PASD1: variants seen among roughly 807,000 people sequenced by gnomAD.
The protein encoded by PASD1 is circadian clock protein PASD1.
In PASD1, 13 loss-of-function variants were observed where a neutral mutation model predicts 58.8. The observed-to-expected ratio is 0.22, with a 90% CI of 0.14 to 0.35. PASD1 has a LOEUF of 0.35. PASD1 is among the 10% of genes least tolerant of loss of function. The pLI, the probability that PASD1 is intolerant of heterozygous loss-of-function variation, is 1.00. For synonymous variants in PASD1, 236 were observed against 216.7 expected (o/e 1.09, Z -0.78); for missense variants, 734 against 568.3 (o/e 1.29, Z -2.96).
chrX:151,614,321 T>A (rs2013610239), intron 4 of PASD1, among the ~76,000 whole-genome samples: 1 of 111,559 alleles, frequency 9.0e-6, no homozygotes, highest in Non-Finnish European at 1.9e-5. Context: ...ATCCCATTAA[T>A]CATCTCCAAA....
At chrX:151,667,171 C>G (rs1448777151) in intron 11 of PASD1, among the ~76,000 whole-genome samples, 2 of 112,293 alleles carry the variant, frequency 1.8e-5, no homozygotes, top group Admixed American at 9.4e-5. Flanking sequence ...CTTTTGGCTG[C>G]ATAAATGTCT....
rs1205780156 is a variant in PASD1, at chrX:151,664,108, T to G, written c.842-11T>G. The stretch of plus-strand genomic sequence containing the variant: ...TTTAAGTCATGAACTCCCCTGTGCT[T>G]TCTTCCTCAGCCTTATCCTTGCAAG... On this transcript the variant is annotated splice_polypyrimidine_tract_variant and intron_variant, in intron 10 of 15. Transcript: ENST00000370357. The G allele has an allele frequency of 3.3e-6, 4 of 1,210,160 alleles. No individual in the cohort carries two copies. The highest frequency in any genetic ancestry group is 4.5e-6 in the Non-Finnish European group (4 of 895,142).
chrX:151,664,156 G>A lies in PASD1; in HGVS notation c.879G>A (p.Val293=), dbSNP rs2014346881. 8.3e-7 allele frequency: 1 copy of A among 1,208,959 alleles called. No homozygotes were observed. Among genetic ancestry groups the A allele is most frequent in the African/African-American group, 1.8e-5 (1 of 56,740 alleles). ...SLQDFRGEPE[V]NPLYRADPVD... ...AAGACTTTCGAGGTGAGCCTGAGGT[G>A]AATCCATTGTACAGGGCAGACCCAG... The change falls in exon 11 of 16, where the codon GTG becomes GTA. Residue 293 remains valine (V), a synonymous_variant. Coordinates refer to ENST00000370357, the MANE Select transcript of PASD1 (RefSeq NM_173493.3).
chrX:151,631,041 TAA>T (rs2013860382), intron 8 of PASD1, among the ~76,000 whole-genome samples: 1 of 112,150 alleles, frequency 8.9e-6, no homozygotes, highest in Non-Finnish European at 1.9e-5. Context: ...TTGCTACTGC[TAA>T]GAGTCAGAAG....
At chrX:151,573,023 CG>C (rs1205183878) in intron 1 of PASD1, among the ~76,000 whole-genome samples, 4 of 69,879 alleles carry the variant, frequency 5.7e-5, no homozygotes, top group East Asian at 4.7e-4. Context: ...GGGGTGGTGA[CG>C]GGGGGTGGGG....
intron 1 of PASD1, among the ~76,000 whole-genome samples, chrX:151,595,466 C>A (rs2013308288): frequency 9.0e-6 from 1 of 111,253 alleles, no homozygotes; most frequent in African/African-American, 3.3e-5. Context: ...CGCCTGTAAT[C>A]CCAGGACTTT....
At chrX:151,613,317 A>G (rs1177240984) in intron 4 of PASD1, among the ~76,000 whole-genome samples, 5 of 109,837 alleles carry the variant, frequency 4.6e-5, no homozygotes, top group Non-Finnish European at 9.5e-5. Context: ...TTTTGGTTCC[A>G]TATGAACTTT....
At chrX:151,577,691 A>AT (rs1296416603) in intron 1 of PASD1, among the ~76,000 whole-genome samples, 1 of 110,589 alleles carries the variant, frequency 9.0e-6, no homozygotes, top group African/African-American at 3.3e-5. Context: ...CGCCCAGCAA[A>AT]TTTTTTTTGT....
In PASD1 at chrX:151,621,029, G is replaced by T; in HGVS notation, c.307G>T (p.Glu103Ter). ...IILKFPLLNS[E>*]THIEFCCHLK... is the part of the protein sequence containing the mutation. ...TCTCAAATTTCCTTTACTAAACTCA[G>T]GTATGTATATTTTTAAAAGTAGTAA... The change falls in exon 5 of 16, where the codon GAA becomes TAA. Residue 103 changes from glutamate to a stop codon, truncating the protein, a stop_gained and splice_region_variant. Transcript: ENST00000370357. LOFTEE classifies it high-confidence loss of function. 8.7e-7 allele frequency: 1 copy of T among 1,152,234 alleles called. No individual in the cohort carries two copies. Among genetic ancestry groups the T allele is most frequent in the South Asian group, 1.9e-5 (1 of 51,648 alleles). 95.0% of individuals were successfully genotyped at this position (1,152,234 alleles called of 1,213,427 possible). A position where few individuals can be genotyped will look rare whatever the true frequency, so the allele number is the denominator to read the frequency against.
At chrX:151,588,263 A>T (rs2013197383) in intron 1 of PASD1, among the ~76,000 whole-genome samples, 1 of 112,423 alleles carries the variant, frequency 8.9e-6, no homozygotes, top group Admixed American at 9.4e-5. Flanking sequence ...AGTGCGCAGC[A>T]ATTTTTATAA....
rs111759356 is a variant in PASD1 at position 151,621,855 on chromosome X, A to C, written c.418+263A>C. Reference sequence around the variant, plus strand: ...AAATATAACAAAAGAAGTTTAATGCATATCCAAGCTTAAAATAAAGGGGAC... The same window carrying C: ...AAATATAACAAAAGAAGTTTAATGCCTATCCAAGCTTAAAATAAAGGGGAC... On this transcript the variant is annotated intron_variant, in intron 6 of 15. Transcript: ENST00000370357. 4.8e-3 allele frequency among the ~76,000 whole-genome samples: 534 copies of C among 110,371 alleles called. 4 individuals carry two copies. Among genetic ancestry groups the C allele is most frequent in the African/African-American group, 0.016 (498 of 30,331 alleles).
intron 3 of PASD1, among the ~76,000 whole-genome samples, chrX:151,610,594 T>C (rs1379707036): frequency 1.2e-4 from 13 of 112,128 alleles, no homozygotes; most frequent in Admixed American, 9.5e-5. Context: ...TGTGTTTTAT[T>C]TTTATTATAA....
At chrX:151,598,224 T>C (rs1055371407) in intron 1 of PASD1, among the ~76,000 whole-genome samples, 3 of 112,166 alleles carry the variant, frequency 2.7e-5, no homozygotes, top group Non-Finnish European at 5.6e-5. Context: ...AGTTTTGTTA[T>C]TTTGAATGTT....
intron 1 of PASD1, among the ~76,000 whole-genome samples, chrX:151,567,077 TAAATAAATAAATAAATA>T (rs1023097386): frequency 1.0e-5 from 1 of 97,631 alleles, no homozygotes; most frequent in African/African-American, 4.3e-5. Context: ...AATAAATAAA[TAAATAAATAAATAAATA>T]AAATAAAATA....
chrX:151,664,074 C>G (rs748456198), intron 10 of PASD1, 45 bp from the exon 11 acceptor site: 9 of 1,205,154 alleles, frequency 7.5e-6, no homozygotes, highest in Non-Finnish European at 7.8e-6. Context: ...AACATTAGTA[C>G]TTTTGCTTTT....
intron 1 of PASD1, among the ~76,000 whole-genome samples, chrX:151,582,884 A>G (rs1437297780): frequency 3.6e-5 from 4 of 111,638 alleles, no homozygotes; most frequent in African/African-American, 6.5e-5. Flanking sequence ...CATAGTTATG[A>G]TTTTTTGTGA....
chrX:151,654,187 C>G (rs769654660), intron 9 of PASD1, among the ~76,000 whole-genome samples: 85 of 108,214 alleles, frequency 7.9e-4, no homozygotes, highest in African/African-American at 2.8e-3. Flanking sequence ...CCAAGCTGGT[C>G]TCAAACTTCT....
intron 15 of PASD1, among the ~76,000 whole-genome samples, chrX:151,675,227 G>A (rs1161233159): frequency 1.8e-5 from 2 of 112,081 alleles, no homozygotes; most frequent in Admixed American, 9.4e-5. Context: ...GCAGGACCAA[G>A]TCGGAGCTTT....
intron 11 of PASD1, among the ~76,000 whole-genome samples, chrX:151,666,700 C>T (rs2014387679): frequency 1.1e-5 from 1 of 94,949 alleles, no homozygotes; most frequent in Non-Finnish European, 2.1e-5. Flanking sequence ...CATGTCCCTA[C>T]AAAGGACATG....
Sources: gnomAD v4.1 joint callset for allele counts (sites outside exome capture counted in the v4.1 genomes callset) on GRCh38, gnomAD v4.1.1 for gene constraint, MANE v1.5 for transcripts, NCBI Gene and HGNC (gene_info 2026-07-23, HGNC 2026-07-21) for gene names.